NXPH1: variants seen among roughly 807,000 people sequenced by gnomAD.
NXPH1 encodes the protein neurexophilin 1.
NXPH1 carries 5 observed loss-of-function variants against 23.7 expected under a neutral mutation model. The ratio of observed to expected loss-of-function variants is 0.21; its 90% confidence interval spans 0.11 to 0.44. The LOEUF is 0.44. NXPH1 is among the 20% of genes least tolerant of loss of function. NXPH1 has a pLI of 0.99. For missense variants in NXPH1, 324 were observed against 321.6 expected, an observed-to-expected ratio of 1.01 and a Z score of -0.06; for synonymous variants, 144 against 122.2, an observed-to-expected ratio of 1.18 and a Z score of -1.18.
intron 2 of NXPH1, among the ~76,000 whole-genome samples, chr7:8,479,564 T>A (rs796438674): frequency 2.2e-4 from 34 of 152,250 alleles, no homozygotes; most frequent in African/African-American, 7.9e-4. Flanking sequence ...AGCAACTTAG[T>A]GCAAAAAGCA....
At chr7:8,461,134 T>G (rs1816687128) in intron 2 of NXPH1, among the ~76,000 whole-genome samples, 1 of 152,202 alleles carries the variant, frequency 6.6e-6, no homozygotes, top group Admixed American at 6.5e-5. Flanking sequence ...ATCTCAGCAC[T>G]GGGTTGCAGA....
chr7:8,663,664 T>C (rs962942898), intron 2 of NXPH1, among the ~76,000 whole-genome samples: 1 of 152,092 alleles, frequency 6.6e-6, no homozygotes, highest in Admixed American at 6.6e-5. Context: ...GTCTGATTTA[T>C]GAAAATTCTT....
At chr7:8,498,029 T>G (rs973195420) in intron 2 of NXPH1, among the ~76,000 whole-genome samples, 8 of 152,130 alleles carry the variant, frequency 5.3e-5, no homozygotes, top group African/African-American at 1.9e-4. Flanking sequence ...GTATTAAAAC[T>G]GAAGTTTCCT....
At chr7:8,693,586 G>T (rs548672427) in intron 2 of NXPH1, among the ~76,000 whole-genome samples, 2 of 152,242 alleles carry the variant, frequency 1.3e-5, no homozygotes, top group African/African-American at 2.4e-5. Flanking sequence ...CAAGATTGTT[G>T]TCTAATACAT....
At position 8,751,109 on chromosome 7, in the gene NXPH1, C is replaced by G. The variant is rs1223325243; in HGVS notation, c.156C>G (p.Asp52Glu). Residue 52 changes from aspartate to glutamate, a missense_variant, in exon 3 of 3, where the codon GAC becomes GAG. Transcript: ENST00000405863. This position sits in a 1 kb window ranked among gnomAD's most constrained non-coding sequence, Gnocchi z 4.5. Reference sequence around the variant, plus strand: ...ACATATGGACAGAAAGCAGCAAAGACTTGTCTATCAGCCGACTCCTGTCAC... The same window carrying G: ...ACATATGGACAGAAAGCAGCAAAGAGTTGTCTATCAGCCGACTCCTGTCAC... ...LKHIWTESSK[D>E]LSISRLLSQT... 6.2e-7 allele frequency: 1 copy of G among 1,613,826 alleles called. No individual in the cohort carries two copies. Among genetic ancestry groups the G allele is most frequent in the Non-Finnish European group, 8.5e-7 (1 of 1,179,778 alleles).
chr7:8,486,036 C>G (rs142126003), intron 2 of NXPH1, among the ~76,000 whole-genome samples: 2 of 152,142 alleles, frequency 1.3e-5, no homozygotes, highest in Non-Finnish European at 2.9e-5. Flanking sequence ...AAGAGTTACT[C>G]TTGGGATTTT....
intron 2 of NXPH1, among the ~76,000 whole-genome samples, chr7:8,527,120 C>T (rs1486622704): frequency 6.6e-6 from 1 of 152,090 alleles, no homozygotes; most frequent in Non-Finnish European, 1.5e-5. Flanking sequence ...CTTCCTCTTC[C>T]TCTCTCATTA....
intron 2 of NXPH1, among the ~76,000 whole-genome samples, chr7:8,564,735 T>C (rs1354254062): frequency 6.6e-6 from 1 of 151,826 alleles, no homozygotes; most frequent in African/African-American, 2.4e-5. Context: ...TGAAGTGTGG[T>C]CCATTTCTTT....
At chr7:8,436,981 G>A (rs765203415) in intron 2 of NXPH1, among the ~76,000 whole-genome samples, 10 of 152,228 alleles carry the variant, frequency 6.6e-5, no homozygotes, top group Non-Finnish European at 1.0e-4. Context: ...ATATATGTGT[G>A]TGTGAATGTG....
chr7:8,663,213 G>C (rs1189667395), intron 2 of NXPH1, among the ~76,000 whole-genome samples: 1 of 152,068 alleles, frequency 6.6e-6, no homozygotes, highest in Non-Finnish European at 1.5e-5. Context: ...AAAAGAAGGA[G>C]ATTGGTAGAC....
At chr7:8,564,851 A>C (rs1818512044) in intron 2 of NXPH1, among the ~76,000 whole-genome samples, 1 of 151,802 alleles carries the variant, frequency 6.6e-6, no homozygotes, top group Non-Finnish European at 1.5e-5. Flanking sequence ...TGCTGGAAAT[A>C]AGCAAAGAAG....
At chr7:8,568,569 C>T (rs1035444921) in intron 2 of NXPH1, among the ~76,000 whole-genome samples, 3 of 149,316 alleles carry the variant, frequency 2.0e-5, no homozygotes, top group African/African-American at 7.4e-5. Context: ...TGCAAATCTC[C>T]AAACTTGATG....
At chr7:8,660,357 C>G (rs1583218638) in intron 2 of NXPH1, among the ~76,000 whole-genome samples, 1 of 152,110 alleles carries the variant, frequency 6.6e-6, no homozygotes, top group Non-Finnish European at 1.5e-5. Context: ...CTTACTGAAC[C>G]TTTAGCTCTT....
intron 2 of NXPH1, among the ~76,000 whole-genome samples, chr7:8,506,721 C>A (rs916755628): frequency 2.6e-5 from 4 of 152,014 alleles, no homozygotes; most frequent in African/African-American, 7.2e-5. Context: ...GATTAACTGG[C>A]ATTAATTAGG....
chr7:8,523,814 A>G (rs1226737658), intron 2 of NXPH1, among the ~76,000 whole-genome samples: 3 of 152,078 alleles, frequency 2.0e-5, no homozygotes, highest in Non-Finnish European at 4.4e-5. Context: ...CACCCTTCAT[A>G]CATTCTATAT....
chr7:8,653,900 G>C (rs777476035), intron 2 of NXPH1, among the ~76,000 whole-genome samples: 4 of 152,128 alleles, frequency 2.6e-5, no homozygotes, highest in Non-Finnish European at 5.9e-5. Flanking sequence ...TGCATGGCTA[G>C]GGGTCAACTC....
intron 2 of NXPH1, among the ~76,000 whole-genome samples, chr7:8,613,241 C>T (rs980360229): frequency 2.6e-5 from 4 of 151,864 alleles, no homozygotes; most frequent in Admixed American, 2.6e-4. Flanking sequence ...CGCACATTTT[C>T]TTTTAGCCAG....
At chr7:8,747,034 A>G (rs1351573760) in intron 2 of NXPH1, among the ~76,000 whole-genome samples, 3 of 152,204 alleles carry the variant, frequency 2.0e-5, no homozygotes, top group Non-Finnish European at 4.4e-5. Flanking sequence ...TAAGACGACT[A>G]TTGAACAGTG....
chr7:8,557,812 T>C (rs1818384702), intron 2 of NXPH1, among the ~76,000 whole-genome samples: 1 of 151,714 alleles, frequency 6.6e-6, no homozygotes, highest in South Asian at 2.1e-4. Context: ...AGTAGAATGC[T>C]GGACCCATAT....
Sources: allele counts gnomAD v4.1 joint callset (sites outside exome capture counted in the v4.1 genomes callset), GRCh38; gene constraint gnomAD v4.1.1; non-coding constraint Gnocchi (gnomAD v3.1); transcripts MANE v1.5; gene names NCBI Gene and HGNC (gene_info 2026-07-23, HGNC 2026-07-21).